The following NBEA variants were observed in gnomAD, a reference collection of about 807,000 sequenced individuals.
The protein encoded by NBEA is neurobeachin.
In NBEA, 44 loss-of-function variants were observed where a neutral mutation model predicts 343.4. That is an observed-to-expected ratio of 0.13 (90% confidence interval 0.10 to 0.16). The LOEUF (loss-of-function observed/expected upper bound fraction) is 0.16. Ranked by LOEUF, NBEA falls within the 10% of genes least tolerant of loss-of-function variation. The pLI is 1.00. For missense variants in NBEA, 2,555 were observed against 3,631.3 expected (o/e 0.70, Z 7.62); for synonymous variants, 1,175 against 1,238.7 (o/e 0.95, Z 1.08).
chr13:35,533,013 GA>G (rs1256857873), intron 41 of NBEA, among the ~76,000 whole-genome samples: 1 of 151,900 alleles, frequency 6.6e-6, no homozygotes, highest in Admixed American at 6.6e-5. Context: ...TAAATTCATA[GA>G]AATAAAATCA....
At chr13:35,000,005 A>G (rs1243778012) in intron 1 of NBEA, among the ~76,000 whole-genome samples, 3 of 152,156 alleles carry the variant, frequency 2.0e-5, no homozygotes, top group African/African-American at 7.2e-5. Flanking sequence ...CTTTATATGT[A>G]TTTAGATTAT....
chr13:35,325,870 A>G (rs766443974), intron 36 of NBEA, among the ~76,000 whole-genome samples: 8 of 152,014 alleles, frequency 5.3e-5, no homozygotes, highest in East Asian at 1.9e-4. Flanking sequence ...AACTTTCTCT[A>G]TTTGGCTAGG....
At chr13:34,977,782 A>G (rs967910168) in intron 1 of NBEA, among the ~76,000 whole-genome samples, 4 of 151,968 alleles carry the variant, frequency 2.6e-5, no homozygotes, top group Non-Finnish European at 5.9e-5. Flanking sequence ...TTCAATCACT[A>G]TTTGTAGAAG....
chr13:34,992,264 T>TATATA (rs1555269629), intron 1 of NBEA, among the ~76,000 whole-genome samples: 15 of 70,962 alleles, frequency 2.1e-4, no homozygotes, highest in South Asian at 4.2e-4. Flanking sequence ...ATATATATAT[T>TATATA]TTTTTTTTTA....
intron 36 of NBEA, among the ~76,000 whole-genome samples, chr13:35,342,349 AT>A (rs1223262363): frequency 1.3e-5 from 2 of 152,110 alleles, no homozygotes; most frequent in Admixed American, 6.6e-5. Flanking sequence ...GGATTTTGTT[AT>A]GTGAAATATA....
At chr13:35,143,203 C>T (rs1331968162) in intron 18 of NBEA, among the ~76,000 whole-genome samples, 1 of 152,204 alleles carries the variant, frequency 6.6e-6, no homozygotes, top group Non-Finnish European at 1.5e-5. Flanking sequence ...CACAGTCACA[C>T]TCATTTGTTT....
chr13:35,359,832 ATGTGTG>A (rs60793996), intron 38 of NBEA, among the ~76,000 whole-genome samples: 22,985 of 144,554 alleles, frequency 0.16, 2,480 homozygotes, highest in African/African-American at 0.32. Context: ...GTGTGTGTGT[ATGTGTG>A]TGTGTGTGTG....
intron 30 of NBEA, among the ~76,000 whole-genome samples, chr13:35,191,765 G>A (rs1024592692): frequency 2.6e-5 from 4 of 151,906 alleles, no homozygotes; most frequent in African/African-American, 9.7e-5. Flanking sequence ...TACTAACAAG[G>A]TGCTGTATGT....
chr13:35,566,613 G>A (rs924472730), intron 44 of NBEA, among the ~76,000 whole-genome samples: 8 of 152,170 alleles, frequency 5.3e-5, no homozygotes, highest in African/African-American at 1.9e-4. Flanking sequence ...CCTGTGGCCA[G>A]AGCTACTTGT....
rs116696273 is a variant in NBEA at position 35,405,288 on chromosome 13, G to A, written c.6180-26981G>A. On this transcript the variant is annotated intron_variant, in intron 38 of 58. Transcript: ENST00000379939. ...TGTTACATCCATATGAATGAGAAAC[G>A]AATACTCAGAGAAGCTGTCATTTAC... Among the ~76,000 whole-genome samples, 509 of 152,222 alleles carry A rather than the reference G, an allele frequency of 3.3e-3. 4 individuals are homozygous for A. Among genetic ancestry groups the A allele is most frequent in the African/African-American group, 0.011 (443 of 41,546 alleles).
At position 35,173,717 on chromosome 13, in the gene NBEA, G is replaced by C. The variant is rs575592349; in HGVS notation, c.4554+123G>C. ...AGAGCAAGGACATTGTCATTAGGCAGCTCTAGGCTGCTTAACAATTTTGTT... is the reference window on the plus strand; with the variant it reads ...AGAGCAAGGACATTGTCATTAGGCACCTCTAGGCTGCTTAACAATTTTGTT... On this transcript the variant is annotated intron_variant, in intron 27 of 58. Transcript: ENST00000379939. 3 of 767,080 alleles carry C rather than the reference G, an allele frequency of 3.9e-6. No individual in the cohort carries two copies. The South Asian group carries it at 1.5e-4, about 39-fold the overall frequency. The allele number at this position is 767,080 out of a possible 1,614,324, so 47.5% of individuals were successfully genotyped here. A position where few individuals can be genotyped will look rare whatever the true frequency, so the allele number is the denominator to read the frequency against.
intron 38 of NBEA, among the ~76,000 whole-genome samples, chr13:35,394,246 C>T (rs1028878835): frequency 2.6e-5 from 4 of 152,130 alleles, no homozygotes; most frequent in Non-Finnish European, 4.4e-5. Flanking sequence ...TGGGAACAGA[C>T]GTTTATGTAT....
chr13:35,040,933 C>T lies in NBEA; in HGVS notation c.295C>T (p.Leu99=), dbSNP rs1230525450. The T allele has an allele frequency of 6.2e-7, 1 of 1,611,468 alleles. No homozygotes were observed. The highest frequency in any genetic ancestry group is 2.2e-5 in the East Asian group (1 of 44,802). ...ATTGTTTCTTTCTGTTTACTTTCAG[C>T]TGGTTGGTGGAGAATTTGACTTGGA... ...RDIVETVLNL[L]VGGEFDLEMN... The change falls in exon 2 of 59, where the codon CTG becomes TTG. Residue 99 remains leucine (L), a splice_region_variant and synonymous_variant. Coordinates refer to ENST00000379939, the MANE Select transcript of NBEA (RefSeq NM_001385012.1).
intron 47 of NBEA, among the ~76,000 whole-genome samples, chr13:35,603,526 G>T (rs2082150709): frequency 6.6e-6 from 1 of 152,222 alleles, no homozygotes; most frequent in South Asian, 2.1e-4. Context: ...AGGAAAGAAT[G>T]GGAAATAATA....
At chr13:35,394,379 T>C (rs2042642317) in intron 38 of NBEA, among the ~76,000 whole-genome samples, 1 of 152,080 alleles carries the variant, frequency 6.6e-6, no homozygotes, top group South Asian at 2.1e-4. Context: ...CCCTTTTTGG[T>C]GTTAGAGTAG....
intron 34 of NBEA, among the ~76,000 whole-genome samples, chr13:35,276,309 A>G (rs1466585886): frequency 6.6e-6 from 1 of 152,154 alleles, no homozygotes. Context: ...CCAAAAAAAA[A>G]GAGGCTATGT....
intron 55 of NBEA, among the ~76,000 whole-genome samples, chr13:35,660,033 T>C (rs781477915): frequency 1.3e-5 from 2 of 152,252 alleles, no homozygotes; most frequent in African/African-American, 2.4e-5. Context: ...GCTTATCCTC[T>C]TGAGCCTCTC....
At chr13:35,249,626 G>T (rs368555431) in intron 34 of NBEA, among the ~76,000 whole-genome samples, 86 of 152,254 alleles carry the variant, frequency 5.6e-4, no homozygotes, top group African/African-American at 2.0e-3. Context: ...CTCTTTGTGG[G>T]AATGTAAAAT....
chr13:35,491,732 A>T (rs2076507238), intron 41 of NBEA, among the ~76,000 whole-genome samples: 1 of 151,964 alleles, frequency 6.6e-6, no homozygotes, highest in Non-Finnish European at 1.5e-5. Flanking sequence ...AAAAAGTACA[A>T]GGAATTATGC....
Sources: allele counts gnomAD v4.1 joint callset (sites outside exome capture counted in the v4.1 genomes callset), GRCh38; gene constraint gnomAD v4.1.1; transcripts MANE v1.5; gene names NCBI Gene and HGNC (gene_info 2026-07-23, HGNC 2026-07-21).